Variants in MDM1 observed in about 807,000 individuals in gnomAD.
MDM1 encodes Mdm1 nuclear protein.
MDM1 carries 61 observed loss-of-function variants against 89.1 expected under a neutral mutation model. The ratio of observed to expected loss-of-function variants is 0.68; its 90% confidence interval spans 0.56 to 0.85. The LOEUF (loss-of-function observed/expected upper bound fraction) is 0.85. Among genes scored for constraint, MDM1 ranks in the 40% least tolerant of loss-of-function variants. MDM1 has a pLI of 0.00. For synonymous variants in MDM1, 290 were observed against 294.1 expected (o/e 0.99, Z 0.14); for missense variants, 820 against 846.5 (o/e 0.97, Z 0.39).
chr12:68,307,327 G>A (rs1873034027), intron 12 of MDM1, among the ~76,000 whole-genome samples: 1 of 152,058 alleles, frequency 6.6e-6, no homozygotes, highest in East Asian at 1.9e-4. Context: ...GGACATAAAC[G>A]CTCTGAATCT....
At chr12:68,302,345 A>G (rs1011526177) in intron 13 of MDM1, among the ~76,000 whole-genome samples, 1 of 152,210 alleles carries the variant, frequency 6.6e-6, no homozygotes, top group African/African-American at 2.4e-5. Flanking sequence ...CATCCAGAGA[A>G]GAGGTGCTAC....
chr12:68,303,615 G>A (rs901867140), intron 12 of MDM1, among the ~76,000 whole-genome samples: 5 of 152,144 alleles, frequency 3.3e-5, no homozygotes, highest in Non-Finnish European at 5.9e-5. Context: ...GTAAAAATTA[G>A]ATTTTAACAA....
chr12:68,321,214 T>C (rs1310864794), intron 7 of MDM1, 133 bp downstream of exon 7: 2 of 514,140 alleles, frequency 3.9e-6, no homozygotes, highest in Non-Finnish European at 6.7e-6. Flanking sequence ...AAGTTCCTGA[T>C]ACTATTAGTG....
At chr12:68,295,521 A>C (rs750816069) in intron 14 of MDM1, among the ~76,000 whole-genome samples, 155 bp from the exon 15 acceptor site, 1 of 152,252 alleles carries the variant, frequency 6.6e-6, no homozygotes, top group Non-Finnish European at 1.5e-5. Context: ...GTAAGATACT[A>C]ACACTCTCAT....
chr12:68,295,515 G>T, intron 14 of MDM1, 149 bp from the exon 15 acceptor site: 1 of 552,510 alleles, frequency 1.8e-6, no homozygotes, highest in South Asian at 2.2e-5. Flanking sequence ...TGAAATGTAA[G>T]ATACTAACAC....
intron 12 of MDM1, among the ~76,000 whole-genome samples, chr12:68,310,120 G>T (rs531046789): frequency 1.2e-4 from 19 of 152,296 alleles, no homozygotes; most frequent in Admixed American, 6.5e-4. Flanking sequence ...ACAGGCATCT[G>T]CCACCACGCC....
intron 7 of MDM1, among the ~76,000 whole-genome samples, chr12:68,319,570 C>G (rs1382158974): frequency 2.0e-5 from 3 of 152,084 alleles, no homozygotes; most frequent in Non-Finnish European, 1.5e-5. Flanking sequence ...TAAATGACTT[C>G]CAAGAGATAT....
Position 68,325,458 on chromosome 12 carries a change from C to A in MDM1, c.616G>T (p.Ala206Ser). Residue 206 changes from alanine (A) to serine (S), a missense_variant, in exon 4 of 15, where the codon GCT becomes TCT. Transcript: ENST00000682720. ...VWKTSKETAPAFAANQVFHNK... is the reference protein window; with the variant it reads ...VWKTSKETAPSFAANQVFHNK... ...TAAGCTACCTGATTGGCTGCAAAAG[C>A]TGGAGCAGTTTCTTTAGAAGTCTTC... is the stretch of plus-strand genomic sequence containing the variant. The A allele has an allele frequency of 1.3e-6, 2 of 1,581,580 alleles. No homozygotes were observed. The highest frequency in any genetic ancestry group is 1.7e-6 in the Non-Finnish European group (2 of 1,165,996).
intron 14 of MDM1, among the ~76,000 whole-genome samples, chr12:68,296,383 A>C (rs1255698814): frequency 6.6e-6 from 1 of 152,208 alleles, no homozygotes; most frequent in African/African-American, 2.4e-5. Context: ...CTGTAATCCC[A>C]GCTATTTGGG....
chr12:68,304,653 G>A (rs1161951540), intron 12 of MDM1, among the ~76,000 whole-genome samples: 1 of 151,566 alleles, frequency 6.6e-6, no homozygotes. Flanking sequence ...TTTTACAATT[G>A]CTGAAAACAC....
intron 14 of MDM1, among the ~76,000 whole-genome samples, chr12:68,296,302 A>T (rs768840597): frequency 2.6e-5 from 4 of 152,366 alleles, no homozygotes; most frequent in South Asian, 4.1e-4. Flanking sequence ...GTTTGAGACC[A>T]TCCTGGCCAA....
At chr12:68,328,444 T>C (rs918709211) in intron 2 of MDM1, among the ~76,000 whole-genome samples, 2 of 152,218 alleles carry the variant, frequency 1.3e-5, no homozygotes, top group Non-Finnish European at 2.9e-5. Context: ...TGATAAACAT[T>C]TTCCAAAAAT....
Position 68,326,683 on chromosome 12 carries a change from C to T in MDM1, c.472G>A (p.Val158Ile), listed in dbSNP as rs369718005. Residue 158 changes from valine (V) to isoleucine (I), a missense_variant, in exon 3 of 15, where the codon GTT (valine) becomes ATT (isoleucine). By Grantham distance (29) the Val-to-Ile change is conservative. Transcript: ENST00000682720. ...ENVELEHSTK[V>I]LSENVDNGLD... The stretch of plus-strand genomic sequence containing the variant: ...CCATTATCTACATTTTCTGAAAGAA[C>T]CTTGGTAGAATGTTCCAGTTCCACA... The T allele has an allele frequency of 2.2e-5, 36 of 1,613,978 alleles. No homozygotes were observed. The highest frequency in any genetic ancestry group is 3.3e-5 in the Admixed American group (2 of 60,002).
Position 68,331,166 on chromosome 12 carries a change from G to C in MDM1, c.74C>G (p.Ser25Cys). 1 of 1,612,380 alleles carries C rather than the reference G, an allele frequency of 6.2e-7. No homozygotes were observed. Among genetic ancestry groups the C allele is most frequent in the Non-Finnish European group, 8.5e-7 (1 of 1,178,414 alleles). ...CTTTCGCCCCACGGAGGAATTACAA[G>C]ACTCGGACAAATAAGACTTTTTCCA... ...FLWKKSYLSE[S>C]CNSSVGRKYP... is the part of the protein sequence containing the mutation. Residue 25 changes from serine to cysteine, a missense_variant, in exon 2 of 15, where the codon TCT becomes TGT. Transcript: ENST00000682720.
intron 9 of MDM1, 103 bp from the exon 10 acceptor site, chr12:68,315,368 A>T (rs1874349997): frequency 1.8e-6 from 2 of 1,085,316 alleles, no homozygotes; most frequent in South Asian, 3.3e-5. Context: ...GTTCACAACT[A>T]CATGTTTTCC....
chr12:68,316,398 T>A (rs960106285), intron 8 of MDM1, 145 bp from the exon 9 acceptor site: 5 of 1,007,604 alleles, frequency 5.0e-6, no homozygotes, highest in Admixed American at 2.7e-5. Flanking sequence ...GTCATCAGAC[T>A]GTGCATTTAA....
At chr12:68,297,038 C>T in intron 13 of MDM1, 56 bp from the exon 14 acceptor site, 6 of 1,310,438 alleles carry the variant, frequency 4.6e-6, no homozygotes, top group Non-Finnish European at 6.3e-6. Context: ...AACAGCTTAT[C>T]TCAATTATAT....
At position 68,316,185 on chromosome 12, in the gene MDM1, G is replaced by C; in HGVS notation, c.1104C>G (p.Asp368Glu). 6.2e-7 allele frequency: 1 copy of C among 1,613,908 alleles called. No individual in the cohort carries two copies. Among genetic ancestry groups the C allele is most frequent in the Non-Finnish European group, 8.5e-7 (1 of 1,179,922 alleles). ...KRVQGTHFSR[D>E]HLNQILSDSN... The stretch of plus-strand genomic sequence containing the variant: ...TATCAGATAAAATCTGATTCAGATG[G>C]TCCCGAGAAAAATGCGTCCCCTGAA... Residue 368 changes from aspartate (D) to glutamate (E), a missense_variant, in exon 9 of 15, where the codon GAC (aspartate) becomes GAG (glutamate). By Grantham distance (45) the Asp-to-Glu change is conservative (BLOSUM62 2). Transcript: ENST00000682720.
At chr12:68,301,925 G>A (rs1312296293) in intron 13 of MDM1, among the ~76,000 whole-genome samples, 1 of 152,088 alleles carries the variant, frequency 6.6e-6, no homozygotes, top group East Asian at 1.9e-4. Context: ...TGATCTGCCT[G>A]CCTTGGCCTC....
Sources: gnomAD v4.1 joint callset for allele counts (sites outside exome capture counted in the v4.1 genomes callset) on GRCh38, gnomAD v4.1.1 for gene constraint, MANE v1.5 for transcripts, NCBI Gene and HGNC (gene_info 2026-07-23, HGNC 2026-07-21) for gene names.